The following SH3PXD2A variants were observed in gnomAD, a reference collection of about 807,000 sequenced individuals.
The protein encoded by SH3PXD2A is SH3 and PX domain-containing protein 2A.
In SH3PXD2A, 32 loss-of-function variants were observed where a neutral mutation model predicts 115.2. That is an observed-to-expected ratio of 0.28 (90% confidence interval 0.21 to 0.37). The LOEUF (loss-of-function observed/expected upper bound fraction) is 0.37, where lower values mean the gene tolerates loss of function less well. Ranked by LOEUF, SH3PXD2A falls within the 10% of genes least tolerant of loss-of-function variation. The pLI, the probability that SH3PXD2A is intolerant of heterozygous loss-of-function variation, is 1.00. For missense variants in SH3PXD2A, 1,328 were observed against 1,498.7 expected, an observed-to-expected ratio of 0.89 and a Z score of 1.88; for synonymous variants, 610 against 629.1, an observed-to-expected ratio of 0.97 and a Z score of 0.45.
At chr10:103,767,828 T>TTTTTG (rs2038776147) in intron 2 of SH3PXD2A, among the ~76,000 whole-genome samples, 1 of 149,570 alleles carries the variant, frequency 6.7e-6, no homozygotes, top group Non-Finnish European at 1.5e-5. Flanking sequence ...TTTTTTTTTT[T>TTTTTG]TTTTTTGCTA....
In SH3PXD2A at chr10:103,784,760, G is replaced by C. The variant is rs1361205483; in HGVS notation, c.153+16522C>G. On this transcript the variant is annotated intron_variant, in intron 2 of 14. Coordinates refer to ENST00000369774, the MANE Select transcript of SH3PXD2A (RefSeq NM_001394015.1). The surrounding 1 kb of genome is among the most constrained non-coding windows in gnomAD (Gnocchi z 4.4). ...GAAAGGGGAGGAGGAGGAGAAGTAA[G>C]AAGGAGGAAGGAAGGGGAGAAGGGG... Among the ~76,000 whole-genome samples the C allele has an allele frequency of 6.6e-6, 1 of 151,086 alleles. No homozygotes were observed. Among genetic ancestry groups the C allele is most frequent in the Non-Finnish European group, 1.5e-5 (1 of 67,834 alleles).
chr10:103,826,490 C>T (rs1277033912), intron 1 of SH3PXD2A, among the ~76,000 whole-genome samples: 1 of 152,200 alleles, frequency 6.6e-6, no homozygotes, highest in Non-Finnish European at 1.5e-5. Context: ...AGAACTCCAT[C>T]CCAGGCCTCC....
At chr10:103,716,375 C>T (rs970676910) in intron 5 of SH3PXD2A, among the ~76,000 whole-genome samples, 2 of 152,244 alleles carry the variant, frequency 1.3e-5, no homozygotes, top group Non-Finnish European at 2.9e-5. Flanking sequence ...CTCAGTCCAT[C>T]CTCCTCTCAC....
chr10:103,616,093 C>G (rs2036514684), intron 11 of SH3PXD2A, among the ~76,000 whole-genome samples: 1 of 152,076 alleles, frequency 6.6e-6, no homozygotes, highest in East Asian at 1.9e-4. Context: ...TCCATCAGGT[C>G]AGACTAAGGT....
chr10:103,697,258 A>G (rs975126445), intron 5 of SH3PXD2A, among the ~76,000 whole-genome samples: 1 of 152,162 alleles, frequency 6.6e-6, no homozygotes, highest in Non-Finnish European at 1.5e-5. Context: ...TGCAATGTAC[A>G]GTGTGTAGAA....
At chr10:103,678,573 G>A (rs12766741) in intron 6 of SH3PXD2A, among the ~76,000 whole-genome samples, 6,450 of 152,334 alleles carry the variant, frequency 0.042, 189 homozygotes, top group Non-Finnish European at 0.063. Flanking sequence ...CTTTCCCAGC[G>A]TGGGAAGGTT....
At chr10:103,652,792 G>A (rs946657226) in intron 8 of SH3PXD2A, among the ~76,000 whole-genome samples, 16 of 152,246 alleles carry the variant, frequency 1.1e-4, no homozygotes, top group Admixed American at 5.9e-4. Flanking sequence ...GATCTCCAGG[G>A]TTGCCCACTC....
chr10:103,724,128 C>T (rs1175357294), intron 5 of SH3PXD2A, 142 bp downstream of exon 5: 1 of 451,442 alleles, frequency 2.2e-6, no homozygotes, highest in East Asian at 3.6e-5. Context: ...TCCCCCATTC[C>T]TTTGGACCAC....
At chr10:103,760,087 T>G (rs967993341) in intron 3 of SH3PXD2A, among the ~76,000 whole-genome samples, 13 of 152,218 alleles carry the variant, frequency 8.5e-5, no homozygotes, top group Admixed American at 1.3e-4. Context: ...CAGGTTTGCA[T>G]ATAGTCTTGG....
rs138727129 is a variant in SH3PXD2A at position 103,610,522 on chromosome 10, A to G, written c.1308+1059T>C. 1.1e-3 allele frequency among the ~76,000 whole-genome samples: 172 copies of G among 152,352 alleles called. 1 individual carries two copies. Among genetic ancestry groups the G allele is most frequent in the Middle Eastern group, 0.01 (3 of 294 alleles). On this transcript the variant is annotated intron_variant, in intron 13 of 14. Transcript: ENST00000369774. The stretch of plus-strand genomic sequence containing the variant: ...CCAAGGCAAGGAAGGTCTCATCTCC[A>G]GGGATGAAATCTTTAAAAACCATAT...
At chr10:103,668,545 G>T in intron 7 of SH3PXD2A, 63 bp downstream of exon 7, 1 of 1,404,806 alleles carries the variant, frequency 7.1e-7, no homozygotes, top group African/African-American at 1.4e-5. Flanking sequence ...GCAGGCACCG[G>T]CTCCCGCGCA....
At chr10:103,618,588 G>A (rs538284005) in intron 10 of SH3PXD2A, among the ~76,000 whole-genome samples, 4 of 152,354 alleles carry the variant, frequency 2.6e-5, no homozygotes, top group East Asian at 1.9e-4. Flanking sequence ...CCTCTCTGGC[G>A]TGGGTGCTCC....
At chr10:103,703,253 A>G (rs2037941760) in intron 5 of SH3PXD2A, among the ~76,000 whole-genome samples, 1 of 152,102 alleles carries the variant, frequency 6.6e-6, no homozygotes, top group South Asian at 2.1e-4. Flanking sequence ...CAGTGAAGGA[A>G]CCTGAACCTC....
intron 3 of SH3PXD2A, among the ~76,000 whole-genome samples, chr10:103,748,529 C>T (rs1460990681): frequency 6.6e-6 from 1 of 152,222 alleles, no homozygotes; most frequent in Non-Finnish European, 1.5e-5. Context: ...GTGACGGTCC[C>T]TGCCCTCGCA....
chr10:103,622,347 G>T, intron 10 of SH3PXD2A, 123 bp downstream of exon 10: 1 of 675,592 alleles, frequency 1.5e-6, no homozygotes, highest in Non-Finnish European at 2.6e-6. Context: ...AAGAAAGCCT[G>T]GCCCGTGAAT....
At chr10:103,815,014 T>G (rs2039310229) in intron 1 of SH3PXD2A, among the ~76,000 whole-genome samples, 1 of 151,994 alleles carries the variant, frequency 6.6e-6, no homozygotes, top group African/African-American at 2.4e-5. Flanking sequence ...TCAGTTTGAC[T>G]CAGTACAAAA....
chr10:103,614,575 A>G (rs2133934256), intron 11 of SH3PXD2A, among the ~76,000 whole-genome samples: 1 of 152,336 alleles, frequency 6.6e-6, no homozygotes, highest in East Asian at 1.9e-4. Flanking sequence ...ACTTCTGAAA[A>G]CAAGCTTTTC....
At chr10:103,643,270 G>A (rs1206448234) in intron 8 of SH3PXD2A, among the ~76,000 whole-genome samples, 3 of 152,150 alleles carry the variant, frequency 2.0e-5, no homozygotes, top group African/African-American at 7.2e-5. Flanking sequence ...CACCCTAGGT[G>A]CCTAAGAGAC....
intron 1 of SH3PXD2A, among the ~76,000 whole-genome samples, chr10:103,854,042 G>A (rs914561425): frequency 7.2e-5 from 11 of 152,152 alleles, no homozygotes; most frequent in Non-Finnish European, 1.5e-4. Context: ...CCCCATATGA[G>A]CCCAGCCGCA....
Sources: allele counts gnomAD v4.1 joint callset (sites outside exome capture counted in the v4.1 genomes callset), GRCh38; gene constraint gnomAD v4.1.1; non-coding constraint Gnocchi (gnomAD v3.1); transcripts MANE v1.5; gene names NCBI Gene and HGNC (gene_info 2026-07-23, HGNC 2026-07-21).